Variants in BTK observed in about 807,000 individuals in gnomAD.
BTK encodes the protein Bruton tyrosine kinase.
A neutral mutation model predicts 57.4 loss-of-function variants in BTK; 5 were observed. The observed-to-expected ratio is 0.09, with a 90% CI of 0.05 to 0.18. BTK has a LOEUF of 0.18. Among genes scored for constraint, BTK ranks in the 10% least tolerant of loss-of-function variants. BTK has a pLI of 1.00. For missense variants in BTK, 194 were observed against 501.2 expected (o/e 0.39, Z 5.85); for synonymous variants, 154 against 174.3 (o/e 0.88, Z 0.92).
In BTK at chrX:101,350,846, G is replaced by C. The variant is rs782015676; in HGVS notation, c.1909-890C>G. The stretch of plus-strand genomic sequence containing the variant: ...ATTCATGCCAGAATGCTCTCAATCT[G>C]TTAGAACCAATGGTCATCAATTTCT... On this transcript the variant is annotated intron_variant, in intron 18 of 18. Coordinates refer to ENST00000308731, the MANE Select transcript of BTK (RefSeq NM_000061.3). Among the ~76,000 whole-genome samples, 4 of 112,017 alleles carry C rather than the reference G, an allele frequency of 3.6e-5. No individual in the cohort carries two copies. In the South Asian group the frequency reaches 1.5e-3, roughly 42 times the overall value.
At chrX:101,374,299 T>TA (rs1569296238) in intron 3 of BTK, 1 of 385,128 alleles carries the variant, frequency 2.6e-6, no homozygotes, top group African/African-American at 2.6e-5. Flanking sequence ...GAAAACTAGA[T>TA]ATAGCATCAT....
intron 18 of BTK, 127 bp from the exon 19 acceptor site, chrX:101,350,083 C>T: frequency 4.5e-6 from 1 of 222,873 alleles, no homozygotes; most frequent in South Asian, 1.2e-4. Flanking sequence ...CTGTCGATTA[C>T]AAAAGGAAAA....
intron 1 of BTK, among the ~76,000 whole-genome samples, chrX:101,381,801 G>A (rs1468817405): frequency 1.3e-4 from 14 of 110,602 alleles, no homozygotes; most frequent in African/African-American, 3.3e-4. Flanking sequence ...AGGCTGAGGC[G>A]GCTGGATGGC....
chrX:101,365,296 C>T (rs933905118), intron 5 of BTK, among the ~76,000 whole-genome samples: 4 of 111,709 alleles, frequency 3.6e-5, no homozygotes, highest in African/African-American at 1.3e-4. Context: ...AATACCTAAT[C>T]GACAATTAGC....
upstream of BTK, among the ~76,000 whole-genome samples, chrX:101,387,689 G>A (rs1292051913): frequency 9.1e-6 from 1 of 110,489 alleles, no homozygotes; most frequent in African/African-American, 3.3e-5. Flanking sequence ...TAAAGTATTT[G>A]TAGACTGATG....
chrX:101,354,505 G>A (rs1412090931), intron 16 of BTK, 125 bp downstream of exon 16: 1 of 715,833 alleles, frequency 1.4e-6, no homozygotes, highest in Non-Finnish European at 2.2e-6. Context: ...AGAATAGAAA[G>A]ATCGGCAGAA....
chrX:101,353,427 C>T, intron 17 of BTK, 76 bp from the exon 18 acceptor site: 1 of 1,043,245 alleles, frequency 9.6e-7, no homozygotes, highest in Non-Finnish European at 1.3e-6. Context: ...CCTAGATCAA[C>T]CTCAAAGATT....
rs1555981656 is a variant in BTK, at chrX:101,380,884, CT to C, written c.-31+5177del. Reference sequence around the variant, plus strand: ...ACAAAAACTAGCTGGGCCAACGCTACTCTCCCAGCTACTCAGGAGGCTGAGG... The same window carrying C: ...ACAAAAACTAGCTGGGCCAACGCTACCTCCCAGCTACTCAGGAGGCTGAGG... On this transcript the variant is annotated intron_variant, in intron 1 of 18. Coordinates refer to ENST00000308731, the MANE Select transcript of BTK (RefSeq NM_000061.3). Among the ~76,000 whole-genome samples the C allele has an allele frequency of 5.4e-3, 574 of 105,635 alleles. 9 individuals carry two copies. Among genetic ancestry groups the C allele is most frequent in the African/African-American group, 0.02 (554 of 27,962 alleles). 91.7% of individuals were successfully genotyped at this position (105,635 alleles called of 115,157 possible).
intron 3 of BTK, among the ~76,000 whole-genome samples, chrX:101,373,668 T>C (rs1241761715): frequency 6.2e-5 from 7 of 112,376 alleles, no homozygotes; most frequent in African/African-American, 2.3e-4. Context: ...GGATTATGCA[T>C]CATTTTAATC....
intron 1 of BTK, among the ~76,000 whole-genome samples, chrX:101,385,084 C>T (rs181708773): frequency 5.0e-4 from 56 of 110,915 alleles, no homozygotes; most frequent in Middle Eastern, 4.6e-3. Context: ...AGGTGCTAGG[C>T]AGGCAGGGAG....
chrX:101,351,815 CA>C (rs1261940872), intron 18 of BTK, among the ~76,000 whole-genome samples: 1 of 111,210 alleles, frequency 9.0e-6, no homozygotes, highest in Non-Finnish European at 1.9e-5. Flanking sequence ...CAAAACAAAG[CA>C]AACAAAAAAC....
intron 2 of BTK, 85 bp from the exon 3 acceptor site, chrX:101,374,719 C>A (rs1045807105): frequency 2.4e-6 from 2 of 845,161 alleles, no homozygotes; most frequent in Non-Finnish European, 3.5e-6. Flanking sequence ...TCTAATCATT[C>A]AACAAAGTGA....
chrX:101,384,605 CAAA>C lies in BTK; in HGVS notation c.-31+1454_-31+1456del, dbSNP rs10586954. ...GGGCAGCAAGAGTGAAACTCCGTGTCAAAAAAAAAAAAAAAAAATTCCAAACAA... is the reference window on the plus strand; with the variant it reads ...GGGCAGCAAGAGTGAAACTCCGTGTCAAAAAAAAAAAAAAATTCCAAACAA... On this transcript the variant is annotated intron_variant, in intron 1 of 18. Coordinates refer to ENST00000308731, the MANE Select transcript of BTK (RefSeq NM_000061.3). 1.4e-3 allele frequency among the ~76,000 whole-genome samples: 117 copies of C among 83,807 alleles called. 2 individuals are homozygous for C. Among genetic ancestry groups the C allele is most frequent in the South Asian group, 0.012 (20 of 1,681 alleles). The allele number at this position is 83,807 out of a possible 115,157, so 72.8% of individuals were successfully genotyped here.
At chrX:101,363,091 C>T (rs1359189566) in intron 5 of BTK, among the ~76,000 whole-genome samples, 1 of 112,338 alleles carries the variant, frequency 8.9e-6, no homozygotes, top group Non-Finnish European at 1.9e-5. Context: ...ACTGATTTCT[C>T]AGTTCCTTGA....
chrX:101,374,540 A>G lies in BTK; in HGVS notation c.236T>C (p.Ile79Thr), dbSNP rs1555980788. ...PEKNPPPERQ[I>T]PRRGEESSEM... The stretch of plus-strand genomic sequence containing the variant: ...CAGACATTGGTCTCTTCTTACCGGA[A>G]TCTGTCTTTCTGGAGGAGGATTTTT... Residue 79 changes from isoleucine to threonine, a missense_variant, in exon 3 of 19, where the codon ATT (isoleucine) becomes ACT (threonine). By Grantham distance (89) the Ile-to-Thr change is moderately conservative. This residue lies in a region of BTK where 115 missense variants were observed against 258.3 expected (regional missense o/e 0.45). Coordinates refer to ENST00000308731, the MANE Select transcript of BTK (RefSeq NM_000061.3). 1 of 1,206,982 alleles carries G rather than the reference A, an allele frequency of 8.3e-7. No homozygotes were observed. Among genetic ancestry groups the G allele is most frequent in the Non-Finnish European group, 1.1e-6 (1 of 891,108 alleles).
chrX:101,350,790 G>A (rs1436303726), intron 18 of BTK, among the ~76,000 whole-genome samples: 5 of 110,940 alleles, frequency 4.5e-5, no homozygotes, highest in East Asian at 2.8e-4. Context: ...ATAAGCCCCC[G>A]AGGTATTTGG....
At chrX:101,359,102 C>T (rs1325471385) in intron 10 of BTK, among the ~76,000 whole-genome samples, 191 bp downstream of exon 10, 2 of 111,909 alleles carry the variant, frequency 1.8e-5, no homozygotes, top group African/African-American at 6.5e-5. Flanking sequence ...CACGCCACTG[C>T]ACTCCAGCCT....
At chrX:101,362,371 A>G in intron 6 of BTK, 131 bp from the exon 7 acceptor site, 1 of 973,697 alleles carries the variant, frequency 1.0e-6, no homozygotes. Context: ...TAGGCATGCC[A>G]GGTCACATAG....
chrX:101,385,500 C>T (rs1488291145), intron 1 of BTK, among the ~76,000 whole-genome samples: 1 of 112,213 alleles, frequency 8.9e-6, no homozygotes, highest in East Asian at 2.8e-4. Context: ...TTTAATAAGC[C>T]AGCTCTGACC....
Sources: gnomAD v4.1 joint callset for allele counts (sites outside exome capture counted in the v4.1 genomes callset) on GRCh38, gnomAD v4.1.1 for gene constraint, gnomAD v4.1.1 regional missense constraint, MANE v1.5 for transcripts, NCBI Gene and HGNC (gene_info 2026-07-23, HGNC 2026-07-21) for gene names.